NDC1: variants seen among roughly 807,000 people sequenced by gnomAD.
NDC1 encodes the protein nucleoporin NDC1.
A neutral mutation model predicts 89.8 loss-of-function variants in NDC1; 24 were observed. That is an observed-to-expected ratio of 0.27 (90% CI 0.19 to 0.38). NDC1 has a LOEUF of 0.38. Ranked by LOEUF, NDC1 falls within the 10% of genes least tolerant of loss-of-function variation. The probability of loss-of-function intolerance (pLI) is 1.00; values close to 1 mark genes in which losing one functional copy is unlikely to be tolerated. For synonymous variants in NDC1, 296 were observed against 284.8 expected, an observed-to-expected ratio of 1.04 and a Z score of -0.39; for missense variants, 728 against 797.6, an observed-to-expected ratio of 0.91 and a Z score of 1.05.
At chr1:53,783,660 T>C (rs1037492481) in intron 16 of NDC1, among the ~76,000 whole-genome samples, 1 of 152,108 alleles carries the variant, frequency 6.6e-6, no homozygotes, top group Non-Finnish European at 1.5e-5. Context: ...GGTGTTTAGG[T>C]CAGGAGGACT....
At chr1:53,797,239 A>G in intron 11 of NDC1, 95 bp from the exon 12 acceptor site, 2 of 1,242,764 alleles carry the variant, frequency 1.6e-6, no homozygotes. Flanking sequence ...ATTTTTGTTT[A>G]ACGCATTTAC....
intron 11 of NDC1, among the ~76,000 whole-genome samples, chr1:53,797,375 T>TC (rs999560323): frequency 3.3e-5 from 5 of 152,100 alleles, no homozygotes; most frequent in East Asian, 1.9e-4. Context: ...GTCTCTCTTT[T>TC]TCCCCCCCCA....
chr1:53,787,196 G>A lies in NDC1; in HGVS notation c.1762C>T (p.Leu588=). The part of the protein sequence containing the change: ...EDRFGVVQTT[L]PAILNTLLTL... ...AACAAAGTATTAAGGATAGCTGGTA[G>A]TGTCGTCTGGACAACTCCAAATCTA... The change falls in exon 16 of 18, where the codon CTA becomes TTA. Residue 588 remains leucine (L), a synonymous_variant. Coordinates refer to ENST00000371429, the MANE Select transcript of NDC1 (RefSeq NM_018087.5). 1 of 1,610,866 alleles carries A rather than the reference G, an allele frequency of 6.2e-7. No individual in the cohort carries two copies. The highest frequency in any genetic ancestry group is 8.5e-7 in the Non-Finnish European group (1 of 1,178,586).
Position 53,772,509 on chromosome 1 carries a change from A to C in NDC1, c.1801-20T>G. 6.2e-7 allele frequency: 1 copy of C among 1,609,930 alleles called. No individual in the cohort carries two copies. The highest frequency in any genetic ancestry group is 8.5e-7 in the Non-Finnish European group (1 of 1,177,500). On this transcript the variant is annotated intron_variant, in intron 16 of 17. Transcript: ENST00000371429. ...GACTGCCTACACCAAGAAAGAAAAC[A>C]CATCAGTTTAGATTATAAAGAAAGC...
In NDC1 at chr1:53,767,218, G is replaced by A. The variant is rs1195192314; in HGVS notation, c.*752C>T. Reference sequence around the variant, plus strand: ...CAGAAAAAGAAAGCAAAACTAGCTGGGAAAATACCCATACATTAATACTTC... The same window carrying A: ...CAGAAAAAGAAAGCAAAACTAGCTGAGAAAATACCCATACATTAATACTTC... On this transcript the variant is annotated 3_prime_UTR_variant, in exon 18 of 18. Coordinates refer to ENST00000371429, the MANE Select transcript of NDC1 (RefSeq NM_018087.5). The A allele has an allele frequency of 7.2e-5, 11 of 152,032 alleles. No individual in the cohort carries two copies. Among genetic ancestry groups the A allele is most frequent in the Admixed American group, 4.6e-4 (7 of 15,262 alleles). 9.4% of individuals were successfully genotyped at this position (152,032 alleles called of 1,614,324 possible). A position where few individuals can be genotyped will look rare whatever the true frequency, so the allele number is the denominator to read the frequency against.
chr1:53,781,222 A>G (rs1054190890), intron 16 of NDC1, among the ~76,000 whole-genome samples: 1 of 152,108 alleles, frequency 6.6e-6, no homozygotes, highest in African/African-American at 2.4e-5. Flanking sequence ...CACCCTTTTT[A>G]AAAACAACAA....
intron 16 of NDC1, among the ~76,000 whole-genome samples, chr1:53,784,519 GCAGTGGCTCACGCCTATAATCC>G (rs1647258997): frequency 6.6e-6 from 1 of 152,164 alleles, no homozygotes; most frequent in South Asian, 2.1e-4. Context: ...CAGGCCGGGC[GCAGTGGCTCACGCCTATAATCC>G]CAGCACTTTG....
intron 2 of NDC1, among the ~76,000 whole-genome samples, chr1:53,833,020 A>G (rs1649113979): frequency 6.6e-6 from 1 of 151,894 alleles, no homozygotes; most frequent in African/African-American, 2.4e-5. Context: ...TCAAAAACAA[A>G]GGGGGGGAGA....
intron 6 of NDC1, among the ~76,000 whole-genome samples, chr1:53,817,155 AAAG>A (rs1382911489): frequency 2.0e-5 from 3 of 152,208 alleles, no homozygotes; most frequent in Non-Finnish European, 4.4e-5. Flanking sequence ...ACTCAGAGGA[AAAG>A]AAGTCATTAT....
chr1:53,784,159 T>C (rs577971905), intron 16 of NDC1, among the ~76,000 whole-genome samples: 4 of 152,016 alleles, frequency 2.6e-5, no homozygotes, highest in Admixed American at 2.0e-4. Flanking sequence ...GAATGAAAAA[T>C]ATTAAAATGC....
intron 2 of NDC1, among the ~76,000 whole-genome samples, chr1:53,834,835 C>T (rs1417581403): frequency 5.9e-5 from 9 of 152,054 alleles, no homozygotes; most frequent in South Asian, 2.1e-4. Context: ...AGGCCAGGTG[C>T]GGTGGCTCAC....
At chr1:53,794,032 G>T (rs890429035) in intron 13 of NDC1, among the ~76,000 whole-genome samples, 95 of 151,762 alleles carry the variant, frequency 6.3e-4, no homozygotes, top group African/African-American at 2.2e-3. Context: ...CTGGAGTGCA[G>T]TGGCACATTC....
rs61751026 is a variant in NDC1, at chr1:53,828,138, T to C, written c.316A>G (p.Ile106Val). Residue 106 changes from isoleucine to valine, a missense_variant, in exon 4 of 18, where the codon ATA becomes GTA. Ile to Val is a conservative substitution (Grantham distance 29). Transcript: ENST00000371429. ...TGCTGAGGATGAATGATCTTCCCTA[T>C]CAGAGCTAGTCTGGAGCAAGGAATA... Reference protein sequence around the residue: ...PSIPCSRLALIGKIIHPQQLM... With the variant: ...PSIPCSRLALVGKIIHPQQLM... 5.5e-5 allele frequency: 89 copies of C among 1,614,050 alleles called. 1 individual carries two copies. The African/African-American group carries it at 1.0e-3, about 18-fold the overall frequency.
intron 5 of NDC1, among the ~76,000 whole-genome samples, chr1:53,821,694 C>T (rs1182121922): frequency 6.6e-6 from 1 of 152,154 alleles, no homozygotes; most frequent in South Asian, 2.1e-4. Context: ...GGAAGCAGGT[C>T]GACATTTCAG....
At chr1:53,834,405 T>C (rs1345893567) in intron 2 of NDC1, among the ~76,000 whole-genome samples, 1 of 152,240 alleles carries the variant, frequency 6.6e-6, no homozygotes, top group African/African-American at 2.4e-5. Context: ...ACCTGACCAG[T>C]GGGACCTATC....
intron 9 of NDC1, 80 bp from the exon 10 acceptor site, chr1:53,804,089 A>T: frequency 2.1e-6 from 2 of 973,588 alleles, no homozygotes; most frequent in South Asian, 2.9e-5. Context: ...TCATCATTAT[A>T]TATCCAAGAG....
At chr1:53,790,344 G>A (rs1415816261) in intron 14 of NDC1, among the ~76,000 whole-genome samples, 14 of 147,328 alleles carry the variant, frequency 9.5e-5, no homozygotes, top group African/African-American at 2.3e-4. Context: ...CAGCCTAGGC[G>A]ACAAGAGCAA....
intron 14 of NDC1, among the ~76,000 whole-genome samples, chr1:53,790,600 G>C (rs1647462224): frequency 6.6e-6 from 1 of 151,366 alleles, no homozygotes; most frequent in African/African-American, 2.4e-5. Context: ...CCAGCTACTT[G>C]GGAGGCTGCA....
chr1:53,776,138 G>A (rs58421486), intron 16 of NDC1, among the ~76,000 whole-genome samples: 4,721 of 151,988 alleles, frequency 0.031, 200 homozygotes, highest in African/African-American at 0.094. Flanking sequence ...GCTATTTTTA[G>A]TAGAGACGGG....
Sources: allele counts gnomAD v4.1 joint callset (sites outside exome capture counted in the v4.1 genomes callset), GRCh38; gene constraint gnomAD v4.1.1; transcripts MANE v1.5; gene names NCBI Gene and HGNC (gene_info 2026-07-23, HGNC 2026-07-21).